Variants in PCDH15 observed in about 807,000 individuals in gnomAD.
The protein encoded by PCDH15 is protocadherin-15.
A neutral mutation model predicts 178.5 loss-of-function variants in PCDH15; 129 were observed. The ratio of observed to expected loss-of-function variants is 0.72; its 90% CI spans 0.63 to 0.84. The LOEUF (loss-of-function observed/expected upper bound fraction) is 0.84. PCDH15 is among the 40% of genes least tolerant of loss of function. The probability of loss-of-function intolerance (pLI) is 0.00; values close to 1 mark genes in which losing one functional copy is unlikely to be tolerated. For synonymous variants in PCDH15, 800 were observed against 732.0 expected (o/e 1.09, Z -1.50); for missense variants, 2,230 against 2,099.9 (o/e 1.06, Z -1.21).
chr10:55,470,518 T>A (rs992290408), intron 2 of PCDH15, among the ~76,000 whole-genome samples: 3 of 152,188 alleles, frequency 2.0e-5, no homozygotes, highest in Non-Finnish European at 2.9e-5. Context: ...ACAGTTTTTT[T>A]AAAATTGCCT....
chr10:54,766,347 C>CT (rs1269932955), intron 1 of PCDH15, among the ~76,000 whole-genome samples: 8 of 152,156 alleles, frequency 5.3e-5, no homozygotes, highest in Non-Finnish European at 1.2e-4. Context: ...AAATTTTACA[C>CT]TTTTACATTA....
chr10:55,433,969 C>G (rs1279552150), intron 2 of PCDH15, among the ~76,000 whole-genome samples: 1 of 150,210 alleles, frequency 6.7e-6, no homozygotes, highest in African/African-American at 2.5e-5. Flanking sequence ...GCTCCATAAT[C>G]TTTTCTAATG....
chr10:55,242,145 A>G (rs1841559937), intron 1 of PCDH15, among the ~76,000 whole-genome samples: 1 of 152,200 alleles, frequency 6.6e-6, no homozygotes, highest in Non-Finnish European at 1.5e-5. Flanking sequence ...AATAAGTCCA[A>G]CTATTAGAAA....
At chr10:54,327,352 C>A (rs1169309537) in intron 7 of PCDH15, among the ~76,000 whole-genome samples, 1 of 151,282 alleles carries the variant, frequency 6.6e-6, no homozygotes, top group East Asian at 1.9e-4. Context: ...TTCCCCATAT[C>A]TACAGTTTTC....
chr10:54,374,016 G>T (rs745435844), intron 4 of PCDH15, among the ~76,000 whole-genome samples: 2 of 151,986 alleles, frequency 1.3e-5, no homozygotes, highest in Non-Finnish European at 2.9e-5. Flanking sequence ...TATAGACAGG[G>T]TGCATCTTGA....
At chr10:54,398,421 TA>T (rs1033386882) in intron 3 of PCDH15, among the ~76,000 whole-genome samples, 1 of 151,950 alleles carries the variant, frequency 6.6e-6, no homozygotes, top group Non-Finnish European at 1.5e-5. Flanking sequence ...AAACAATGAC[TA>T]AAATTTCCAT....
intron 32 of PCDH15, among the ~76,000 whole-genome samples, chr10:53,826,824 T>C (rs2076711928): frequency 6.6e-6 from 1 of 152,078 alleles, no homozygotes; most frequent in South Asian, 2.1e-4. Context: ...TCTAAGTAGT[T>C]GGGAATTTAA....
rs114765472 is a variant in PCDH15, at chr10:55,371,109, C to T, written c.-155-204458G>A. Among the ~76,000 whole-genome samples the T allele has an allele frequency of 9.9e-3, 1,505 of 152,006 alleles. 26 individuals are homozygous for T. The highest frequency in any genetic ancestry group is 0.034 in the African/African-American group (1,403 of 41,450). On this transcript the variant is annotated intron_variant, in intron 2 of 5. Transcript: ENST00000613346. ...TTCATGTAAGAGGGTAAAATATAGCCATGTAAAACAATTTAAGGAAAGGAC... is the reference window on the plus strand; with the variant it reads ...TTCATGTAAGAGGGTAAAATATAGCTATGTAAAACAATTTAAGGAAAGGAC...
chr10:54,324,929 A>C (rs1314262296), intron 7 of PCDH15, among the ~76,000 whole-genome samples: 2 of 152,092 alleles, frequency 1.3e-5, no homozygotes. Flanking sequence ...GATTACTTTG[A>C]TTCTATGTGA....
At chr10:54,490,377 G>T (rs1217767624) in intron 3 of PCDH15, among the ~76,000 whole-genome samples, 1 of 152,070 alleles carries the variant, frequency 6.6e-6, no homozygotes, top group Non-Finnish European at 1.5e-5. Flanking sequence ...ATGAACCCGG[G>T]AGGCAGAGCT....
intron 1 of PCDH15, among the ~76,000 whole-genome samples, chr10:54,727,833 G>A (rs1238960686): frequency 6.6e-6 from 1 of 151,416 alleles, no homozygotes; most frequent in Non-Finnish European, 1.5e-5. Context: ...AGAAAACCTT[G>A]AAGGAATAAA....
At chr10:55,547,910 TGAGAGAGAGAGAGAGA>T (rs763752387) in intron 2 of PCDH15, among the ~76,000 whole-genome samples, 8 of 54,510 alleles carry the variant, frequency 1.5e-4, no homozygotes, top group South Asian at 9.7e-4. Flanking sequence ...TGTGTGTGTG[TGAGAGAGAGAGAGAGA>T]GAGAGAGAGA....
chr10:54,158,486 G>A (rs1327648800), intron 13 of PCDH15, among the ~76,000 whole-genome samples: 3 of 152,066 alleles, frequency 2.0e-5, no homozygotes, highest in Non-Finnish European at 2.9e-5. Flanking sequence ...ATTTGGGTGG[G>A]GACATAGCCA....
intron 2 of PCDH15, among the ~76,000 whole-genome samples, chr10:55,540,508 G>C (rs1020002683): frequency 6.6e-6 from 1 of 151,986 alleles, no homozygotes; most frequent in African/African-American, 2.4e-5. Flanking sequence ...TCAGGCTTAT[G>C]AAAAAACAAA....
At chr10:54,467,601 GTTTTTTTTTT>G (rs67776985) in intron 3 of PCDH15, among the ~76,000 whole-genome samples, 1 of 45,672 alleles carries the variant, frequency 2.2e-5, no homozygotes, top group Non-Finnish European at 3.9e-5. Flanking sequence ...TCAAGCTGTA[GTTTTTTTTTT>G]TTTTTTTTTT....
intron 7 of PCDH15, among the ~76,000 whole-genome samples, chr10:54,319,197 A>G (rs919885614): frequency 3.3e-5 from 5 of 152,146 alleles, no homozygotes; most frequent in South Asian, 2.1e-4. Context: ...TTTGAATTCT[A>G]TTTTGTACAA....
At chr10:54,354,925 G>T (rs1239494870) in intron 5 of PCDH15, among the ~76,000 whole-genome samples, 1 of 151,808 alleles carries the variant, frequency 6.6e-6, no homozygotes, top group East Asian at 1.9e-4. Flanking sequence ...TATGAGAAAT[G>T]GATTTGGAAA....
At chr10:54,361,200 A>C (rs1945987518) in intron 5 of PCDH15, among the ~76,000 whole-genome samples, 1 of 152,074 alleles carries the variant, frequency 6.6e-6, no homozygotes, top group African/African-American at 2.4e-5. Context: ...ACATCCATGA[A>C]TATTGTATTT....
intron 8 of PCDH15, among the ~76,000 whole-genome samples, chr10:54,242,323 T>G (rs2055490607): frequency 6.6e-6 from 1 of 151,296 alleles, no homozygotes; most frequent in South Asian, 2.1e-4. Flanking sequence ...CATATGGTTA[T>G]CTTGAACAAA....
Sources: allele counts gnomAD v4.1 joint callset (sites outside exome capture counted in the v4.1 genomes callset), GRCh38; gene constraint gnomAD v4.1.1; transcripts MANE v1.5; gene names NCBI Gene and HGNC (gene_info 2026-07-23, HGNC 2026-07-21).